The following ECE1 variants were observed in gnomAD, a reference collection of about 807,000 sequenced individuals.
ECE1 encodes endothelin converting enzyme 1.
ECE1 carries 35 observed loss-of-function variants against 98.6 expected under a neutral mutation model. The observed-to-expected ratio is 0.35, with a 90% CI of 0.27 to 0.47. ECE1 has a LOEUF of 0.47. ECE1 is among the 20% of genes least tolerant of loss of function. The pLI is 1.00. For missense variants in ECE1, 814 were observed against 1,025.3 expected, an observed-to-expected ratio of 0.79 and a Z score of 2.81; for synonymous variants, 394 against 407.1, an observed-to-expected ratio of 0.97 and a Z score of 0.39.
At chr1:21,253,842 G>A (rs1324469362) in intron 8 of ECE1, among the ~76,000 whole-genome samples, 2 of 150,698 alleles carry the variant, frequency 1.3e-5, no homozygotes, top group Non-Finnish European at 2.9e-5. Flanking sequence ...ACGCCGAGGC[G>A]GGTGGATTAT....
intron 12 of ECE1, among the ~76,000 whole-genome samples, chr1:21,236,189 C>T (rs1558374684): frequency 6.6e-6 from 1 of 152,290 alleles, no homozygotes; most frequent in African/African-American, 2.4e-5. Flanking sequence ...GCCTTCCCGA[C>T]CCACGGGACG....
chr1:21,221,986 C>T, intron 17 of ECE1, 144 bp from the exon 18 acceptor site: 1 of 764,884 alleles, frequency 1.3e-6, no homozygotes, highest in Non-Finnish European at 2.3e-6. Context: ...CCTAGGGGAG[C>T]CCTCTTCTTG....
At chr1:21,310,363 G>A (rs1400825959) in intron 1 of ECE1, among the ~76,000 whole-genome samples, 3 of 152,138 alleles carry the variant, frequency 2.0e-5, no homozygotes, top group Non-Finnish European at 2.9e-5. Flanking sequence ...CTCTCTCCCT[G>A]GGCTGAATTA....
chr1:21,245,241 G>T, intron 9 of ECE1, 138 bp from the exon 10 acceptor site: 1 of 729,126 alleles, frequency 1.4e-6, no homozygotes. Context: ...GGCTTGGTGG[G>T]TTACTGCTCC....
chr1:21,291,562 G>C (rs955111941), upstream of ECE1, among the ~76,000 whole-genome samples: 1 of 152,076 alleles, frequency 6.6e-6, no homozygotes, highest in Admixed American at 6.6e-5. Flanking sequence ...TGGCTCGCTC[G>C]CGCCTGTAAT....
rs1266721559 is a variant in ECE1 at position 21,233,314 on chromosome 1, C to CCAGGCTCACCCTGCCAACAGGCTGGG, written c.1670+218_1670+243dup. On this transcript the variant is annotated intron_variant, in intron 14 of 18. Coordinates refer to ENST00000374893, the MANE Select transcript of ECE1 (RefSeq NM_001397.3). This position sits in a 1 kb window ranked among gnomAD's most constrained non-coding sequence, Gnocchi z 4.0. ...TGCCAGATCGGCTCCGCTCCAGAGG[C>CCAGGCTCACCCTGCCAACAGGCTGGG]CAGGCTCACCCTGCCAACAGGCTGG... is the stretch of plus-strand genomic sequence containing the variant. 4.2e-6 allele frequency: 2 copies of CCAGGCTCACCCTGCCAACAGGCTGGG among 478,812 alleles called. No homozygotes were observed. Among genetic ancestry groups the CCAGGCTCACCCTGCCAACAGGCTGGG allele is most frequent in the African/African-American group, 3.9e-5 (2 of 50,816 alleles). The allele number at this position is 478,812 out of a possible 1,614,324, so 29.7% of individuals were successfully genotyped here. A position where few individuals can be genotyped will look rare whatever the true frequency, so the allele number is the denominator to read the frequency against.
At position 21,219,947 on chromosome 1, in the gene ECE1, C is replaced by T. The variant is rs1329521471; in HGVS notation, c.*8G>A. On this transcript the variant is annotated 3_prime_UTR_variant, in exon 19 of 19. Transcript: ENST00000374893. The surrounding 1 kb of genome is among the most constrained non-coding windows in gnomAD (Gnocchi z 4.5). ...CCCTCCTCCGTCTTGGCTCTCTCCG[C>T]TTCGTCCTTACCAGACTTCGCACTT... 3.1e-6 allele frequency: 5 copies of T among 1,614,084 alleles called. No individual in the cohort carries two copies. The South Asian group carries it at 3.3e-5, about 11-fold the overall frequency.
rs2098173407 is a variant in ECE1 at position 21,225,757 on chromosome 1, T to C, written c.1850-317A>G. On this transcript the variant is annotated intron_variant, in intron 16 of 18. Transcript: ENST00000374893. This position sits in a 1 kb window ranked among gnomAD's most constrained non-coding sequence, Gnocchi z 5.3. Reference sequence around the variant, plus strand: ...CTCAGGCTGGAGTGCAGTGGCGCAATCTCAGCTCACTGCAACCTTTGCCTC... The same window carrying C: ...CTCAGGCTGGAGTGCAGTGGCGCAACCTCAGCTCACTGCAACCTTTGCCTC... Among the ~76,000 whole-genome samples, 2 of 149,772 alleles carry C rather than the reference T, an allele frequency of 1.3e-5. No homozygotes were observed. Among genetic ancestry groups the C allele is most frequent in the African/African-American group, 4.9e-5 (2 of 40,682 alleles).
chr1:21,308,006 T>C (rs1343019831), intron 1 of ECE1, among the ~76,000 whole-genome samples: 1 of 152,096 alleles, frequency 6.6e-6, no homozygotes, highest in Non-Finnish European at 1.5e-5. Flanking sequence ...GGGTCACCCC[T>C]CAAAACCTCC....
intron 1 of ECE1, among the ~76,000 whole-genome samples, chr1:21,306,493 C>T (rs1461226044): frequency 7.2e-5 from 11 of 152,046 alleles, no homozygotes; most frequent in Admixed American, 2.6e-4. Flanking sequence ...CCCACCACCA[C>T]GCCTGGCTAA....
chr1:21,243,766 T>C (rs1356214389), intron 10 of ECE1, among the ~76,000 whole-genome samples: 1 of 152,244 alleles, frequency 6.6e-6, no homozygotes, highest in African/African-American at 2.4e-5. Context: ...CCAAGGTAGA[T>C]GCAGGAGGAG....
chr1:21,297,534 T>C (rs12138017), intron 1 of ECE1, among the ~76,000 whole-genome samples: 850 of 66,534 alleles, frequency 0.013, 23 homozygotes, highest in African/African-American at 0.067. Context: ...CTTTTTCTTT[T>C]TTTTTTTTTT....
chr1:21,268,511 C>G (rs1473993087), intron 4 of ECE1, among the ~76,000 whole-genome samples: 1 of 152,226 alleles, frequency 6.6e-6, no homozygotes, highest in African/African-American at 2.4e-5. Context: ...TCTGAGGAGC[C>G]TAGCATGAAT....
chr1:21,231,878 C>T (rs146660605), intron 14 of ECE1, among the ~76,000 whole-genome samples: 2 of 152,184 alleles, frequency 1.3e-5, no homozygotes, highest in Admixed American at 6.5e-5. Context: ...CCTCTCAAAG[C>T]GTTCGAATTA....
intron 2 of ECE1, among the ~76,000 whole-genome samples, chr1:21,289,296 C>T (rs757033454): frequency 6.6e-6 from 1 of 152,162 alleles, no homozygotes; most frequent in South Asian, 2.1e-4. Context: ...CACCTTCCCA[C>T]GCACCTGGCT....
At chr1:21,232,142 T>C (rs929629883) in intron 14 of ECE1, among the ~76,000 whole-genome samples, 1 of 152,146 alleles carries the variant, frequency 6.6e-6, no homozygotes, top group African/African-American at 2.4e-5. Context: ...TGAACCCCTA[T>C]AGTCCACCAG....
rs963025221 is a variant in ECE1, at chr1:21,322,049, C to T, written c.3+23327G>A. On this transcript the variant is annotated intron_variant, in intron 1 of 18. Transcript: ENST00000415912. The surrounding 1 kb of genome is among the most constrained non-coding windows in gnomAD (Gnocchi z 4.1). ...TGAAACAGAGCTGCGTCCCCGGCCA[C>T]CCTTTGGTCTGGTCTTGTCTCCCTC... Among the ~76,000 whole-genome samples, 2 of 152,150 alleles carry T rather than the reference C, an allele frequency of 1.3e-5. No individual in the cohort carries two copies. The highest frequency in any genetic ancestry group is 2.9e-5 in the Non-Finnish European group (2 of 68,038).
chr1:21,263,058 C>T (rs573960162), intron 4 of ECE1, among the ~76,000 whole-genome samples: 9 of 152,206 alleles, frequency 5.9e-5, no homozygotes, highest in African/African-American at 1.4e-4. Context: ...AAGGGGAGGG[C>T]GGGAGGAGAC....
chr1:21,253,765 A>AC (rs1167040585), intron 8 of ECE1, among the ~76,000 whole-genome samples: 6 of 115,244 alleles, frequency 5.2e-5, no homozygotes, highest in African/African-American at 2.4e-4. Context: ...TCTGTCTCAA[A>AC]TTAAAAAAAA....
Sources: allele counts gnomAD v4.1 joint callset (sites outside exome capture counted in the v4.1 genomes callset), GRCh38; gene constraint gnomAD v4.1.1; non-coding constraint Gnocchi (gnomAD v3.1); transcripts MANE v1.5; gene names NCBI Gene and HGNC (gene_info 2026-07-23, HGNC 2026-07-21).